SYNE2: variants seen among roughly 807,000 people sequenced by gnomAD.
SYNE2 encodes the protein spectrin repeat containing nuclear envelope protein 2.
Under a neutral mutation model 856.3 loss-of-function variants are expected in SYNE2, and 431 were observed. That is an observed-to-expected ratio of 0.50 (90% CI 0.47 to 0.55). The LOEUF is 0.55. Among genes scored for constraint, SYNE2 ranks in the 20% least tolerant of loss-of-function variants. The pLI, the probability that SYNE2 is intolerant of heterozygous loss-of-function variation, is 0.00. For missense variants in SYNE2, 8,129 were observed against 8,023.2 expected (o/e 1.01, Z -0.50); for synonymous variants, 2,923 against 2,872.3 (o/e 1.02, Z -0.56).
At chr14:64,116,673 C>A (rs2097855882) in intron 66 of SYNE2, among the ~76,000 whole-genome samples, 1 of 152,182 alleles carries the variant, frequency 6.6e-6, no homozygotes, top group Admixed American at 6.5e-5. Context: ...GCCTTGGCCT[C>A]CCAAAGTGCC....
intron 96 of SYNE2, among the ~76,000 whole-genome samples, chr14:64,186,148 G>T (rs1277898710): frequency 1.3e-5 from 2 of 152,166 alleles, no homozygotes; most frequent in Non-Finnish European, 2.9e-5. Context: ...GAAGACCTAT[G>T]TGACTTTAAA....
intron 3 of SYNE2, 72 bp from the exon 4 acceptor site, chr14:63,941,623 T>G (rs1221386460): frequency 3.1e-6 from 4 of 1,310,726 alleles, no homozygotes; most frequent in Non-Finnish European, 4.4e-6. Context: ...ACAAAGCACA[T>G]TTATGAGATT....
chr14:64,056,796 G>A (rs2097274208), intron 49 of SYNE2, among the ~76,000 whole-genome samples: 1 of 151,568 alleles, frequency 6.6e-6, no homozygotes, highest in Non-Finnish European at 1.5e-5. Flanking sequence ...TCAGCCTCCC[G>A]AGTAGCTGGG....
At chr14:63,960,892 A>AG (rs1237557309) in intron 8 of SYNE2, 1 of 590,812 alleles carries the variant, frequency 1.7e-6, no homozygotes, top group Non-Finnish European at 3.0e-6. Flanking sequence ...AAAATAAAAA[A>AG]TAAGATAAAT....
At chr14:64,075,914 G>A (rs774751104) in intron 53 of SYNE2, 31 bp from the exon 54 acceptor site, 22 of 1,612,148 alleles carry the variant, frequency 1.4e-5, no homozygotes, top group East Asian at 4.5e-5. Context: ...CCCCAGTCTC[G>A]TGAGTATTGC....
chr14:64,220,505 T>G lies in SYNE2; in HGVS notation c.19929T>G (p.Phe6643Leu). Reference protein sequence around the residue: ...VVSVNVSSKEFLQTESPESTE... With the variant: ...VVSVNVSSKELLQTESPESTE... ...CTGTCAACGTGAGCAGCAAGGAATT[T>G]CTGCAAACCGAGAGCCCCGAATCCA... Residue 6643 changes from phenylalanine to leucine, a missense_variant, in exon 111 of 116, where the codon TTT becomes TTG. By Grantham distance (22) the Phe-to-Leu change is conservative. Transcript: ENST00000555002. The G allele has an allele frequency of 6.2e-7, 1 of 1,614,144 alleles. No individual in the cohort carries two copies.
At chr14:63,924,245 G>T (rs1294464286) in intron 2 of SYNE2, among the ~76,000 whole-genome samples, 1 of 152,044 alleles carries the variant, frequency 6.6e-6, no homozygotes, top group Non-Finnish European at 1.5e-5. Context: ...TGCCAATATT[G>T]CACTATCTTG....
intron 1 of SYNE2, among the ~76,000 whole-genome samples, chr14:63,863,968 C>T (rs956700838): frequency 6.6e-6 from 1 of 151,972 alleles, no homozygotes; most frequent in African/African-American, 2.4e-5. Context: ...ATTACAGGCG[C>T]ACGGCACCAC....
In SYNE2 at chr14:64,144,923, C is replaced by CTT. The variant is rs573628737; in HGVS notation, c.15483+995_15483+996dup. On this transcript the variant is annotated intron_variant, in intron 83 of 115. Transcript: ENST00000555002. ...TTAATTTGATGAAACATTGGGGCAG[C>CTT]TTTTTTTTTTTTTTTTTTTTTGAGA... Among the ~76,000 whole-genome samples, 187 of 116,158 alleles carry CTT rather than the reference C, an allele frequency of 1.6e-3. 1 individual carries two copies. Among genetic ancestry groups the CTT allele is most frequent in the South Asian group, 3.4e-3 (12 of 3,558 alleles). 76.2% of individuals were successfully genotyped at this position (116,158 alleles called of 152,430 possible).
chr14:63,970,777 C>T (rs551978456), intron 11 of SYNE2, among the ~76,000 whole-genome samples: 34 of 150,788 alleles, frequency 2.3e-4, no homozygotes, highest in African/African-American at 7.1e-4. Flanking sequence ...CTCAGCCTAC[C>T]GAGTAGCTGG....
chr14:64,198,481 A>G (rs892475168), intron 99 of SYNE2, among the ~76,000 whole-genome samples: 4 of 152,214 alleles, frequency 2.6e-5, no homozygotes, highest in African/African-American at 7.2e-5. Flanking sequence ...GATGAGTCCC[A>G]GGGTAAGTTG....
chr14:64,151,142 A>T (rs953920450), intron 84 of SYNE2, among the ~76,000 whole-genome samples: 2 of 152,060 alleles, frequency 1.3e-5, no homozygotes, highest in Non-Finnish European at 2.9e-5. Flanking sequence ...TTTCTTATGG[A>T]ACAGATTTTT....
chr14:64,166,012 GGTTA>G lies in SYNE2; in HGVS notation c.16605+606_16605+609del, dbSNP rs535145523. On this transcript the variant is annotated intron_variant, in intron 90 of 115. Transcript: ENST00000555002. Reference sequence around the variant, plus strand: ...CTGTTGTGATTAATTGAATTTTTCTGGTTAGTTTAATATAAAAAAAATTCTATTA... The same window carrying G: ...CTGTTGTGATTAATTGAATTTTTCTGGTTTAATATAAAAAAAATTCTATTA... Among the ~76,000 whole-genome samples the G allele has an allele frequency of 7.5e-3, 1,141 of 152,110 alleles. 21 individuals are homozygous for G. The highest frequency in any genetic ancestry group is 0.026 in the African/African-American group (1,083 of 41,490).
chr14:64,016,034 G>T (rs1363587422), intron 32 of SYNE2, among the ~76,000 whole-genome samples: 1 of 152,004 alleles, frequency 6.6e-6, no homozygotes, highest in Non-Finnish European at 1.5e-5. Context: ...GATAAAGTTA[G>T]AATCCAAGAT....
At chr14:63,897,598 C>T (rs76780137) in intron 1 of SYNE2, among the ~76,000 whole-genome samples, 8,287 of 152,280 alleles carry the variant, frequency 0.054, 233 homozygotes, top group Middle Eastern at 0.088. Context: ...AACATCTTTG[C>T]TGAGCCCTCC....
At chr14:63,870,536 T>C in intron 1 of SYNE2, among the ~76,000 whole-genome samples, 1 of 131,094 alleles carries the variant, frequency 7.6e-6, no homozygotes, top group Non-Finnish European at 1.6e-5. Flanking sequence ...TTGAACTGAA[T>C]GTAATAACTA....
Position 64,214,421 on chromosome 14 carries a change from C to T in SYNE2, c.19284C>T (p.Ser6428=), listed in dbSNP as rs1361058601. The T allele has an allele frequency of 6.2e-7, 1 of 1,613,938 alleles. No individual in the cohort carries two copies. Among genetic ancestry groups the T allele is most frequent in the Non-Finnish European group, 8.5e-7 (1 of 1,180,012 alleles). The change falls in exon 106 of 116, where the codon TCC becomes TCT. Residue 6428 remains serine, a synonymous_variant. Transcript: ENST00000555002. ...EWDHTGDVGG[S]SSHEEDEEGP... Reference sequence around the variant, plus strand: ...ACCACACAGGCGACGTGGGGGGCTCCTCCTCTCACGAAGAGGACGAGGAGG... The same window carrying T: ...ACCACACAGGCGACGTGGGGGGCTCTTCCTCTCACGAAGAGGACGAGGAGG...
At chr14:63,958,882 T>C (rs536774185) in intron 8 of SYNE2, among the ~76,000 whole-genome samples, 82 of 152,370 alleles carry the variant, frequency 5.4e-4, no homozygotes, top group African/African-American at 1.9e-3. Flanking sequence ...TGGTCAATTT[T>C]TTAAAAAGTC....
rs551520144 is a variant in SYNE2 at position 63,805,632 on chromosome 14, T to G, written c.-305+43646T>G. 3.3e-5 allele frequency among the ~76,000 whole-genome samples: 3 copies of G among 89,990 alleles called. 1 individual carries two copies. In the South Asian group the frequency reaches 1.5e-3, roughly 44 times the overall value. The allele number at this position is 89,990 out of a possible 152,430, so 59.0% of individuals were successfully genotyped here. A position where few individuals can be genotyped will look rare whatever the true frequency, so the allele number is the denominator to read the frequency against. Reference sequence around the variant, plus strand: ...CCTCGTGATCCGCCCGCCTCGGCCTTCCAAAGTGCTGATTACAAGCGTGAG... The same window carrying G: ...CCTCGTGATCCGCCCGCCTCGGCCTGCCAAAGTGCTGATTACAAGCGTGAG... On this transcript the variant is annotated intron_variant, in intron 1 of 23. Transcript: ENST00000674003.
Sources: gnomAD v4.1 joint callset for allele counts (sites outside exome capture counted in the v4.1 genomes callset) on GRCh38, gnomAD v4.1.1 for gene constraint, MANE v1.5 for transcripts, NCBI Gene and HGNC (gene_info 2026-07-23, HGNC 2026-07-21) for gene names.